Variants in CAMTA2 observed in about 807,000 individuals in gnomAD.
CAMTA2 encodes the protein calmodulin-binding transcription activator 2.
CAMTA2 carries 56 observed loss-of-function variants against 135.7 expected under a neutral mutation model. The ratio of observed to expected loss-of-function variants is 0.41; its 90% CI spans 0.33 to 0.52. CAMTA2 has a LOEUF of 0.52. Ranked by LOEUF, CAMTA2 falls within the 20% of genes least tolerant of loss-of-function variation. The probability of loss-of-function intolerance (pLI) is 0.16; values close to 1 mark genes in which losing one functional copy is unlikely to be tolerated. For synonymous variants in CAMTA2, 591 were observed against 604.6 expected (o/e 0.98, Z 0.33); for missense variants, 1,358 against 1,553.4 (o/e 0.87, Z 2.11).
chr17:4,978,418 C>T (rs1390335151), intron 10 of CAMTA2, 86 bp downstream of exon 10: 2 of 1,435,622 alleles, frequency 1.4e-6, no homozygotes, highest in East Asian at 2.3e-5. Context: ...CATTTGTTCC[C>T]AGTGCTTTCT....
chr17:4,983,835 C>T (rs1314710907), intron 3 of CAMTA2: 1 of 151,730 alleles, frequency 6.6e-6, no homozygotes, highest in South Asian at 2.1e-4. Flanking sequence ...CCGCCTACCT[C>T]AGCCTCTCAA....
At chr17:4,982,401 G>A (rs555111113) in intron 5 of CAMTA2, among the ~76,000 whole-genome samples, 1 of 152,262 alleles carries the variant, frequency 6.6e-6, no homozygotes, top group African/African-American at 2.4e-5. Flanking sequence ...CTAGAAACCA[G>A]AGGGCAGAGC....
At chr17:4,981,982 C>A in intron 6 of CAMTA2, 107 bp downstream of exon 6, 1 of 1,267,356 alleles carries the variant, frequency 7.9e-7, no homozygotes, top group Non-Finnish European at 1.1e-6. Flanking sequence ...TCTTCCCAGG[C>A]TCCTTTCCTC....
rs372158610 is a variant in CAMTA2 at position 4,969,734 on chromosome 17, C to T, written c.3190-33G>A. 2 of 1,612,232 alleles carry T rather than the reference C, an allele frequency of 1.2e-6. No homozygotes were observed. Among genetic ancestry groups the T allele is most frequent in the African/African-American group, 2.7e-5 (2 of 74,872 alleles). ...GAGAGAAGTCTCACCACCTCATGAC[C>T]CACATAATGGCATATCTGACTTGTC... On this transcript the variant is annotated intron_variant, in intron 18 of 22. Coordinates refer to ENST00000348066, the MANE Select transcript of CAMTA2 (RefSeq NM_015099.4). The surrounding 1 kb of genome is among the most constrained non-coding windows in gnomAD (Gnocchi z 5.6).
Position 4,986,233 on chromosome 17 carries a change from C to A in CAMTA2, c.-11G>T. ...GTCCTTGGTATTCATGGTGAGGGCT[C>A]CAGGGGGCAAGGTCACCCCCGGCCT... On this transcript the variant is annotated 5_prime_UTR_variant, in exon 2 of 23. Transcript: ENST00000348066. 1 of 1,608,924 alleles carries A rather than the reference C, an allele frequency of 6.2e-7. No homozygotes were observed. Among genetic ancestry groups the A allele is most frequent in the Non-Finnish European group, 8.5e-7 (1 of 1,175,626 alleles).
In CAMTA2 at chr17:4,969,160, C is replaced by A; in HGVS notation, c.3460G>T (p.Ala1154Ser). Residue 1154 changes from alanine to serine, a missense_variant, in exon 21 of 23, where the codon GCC (alanine) becomes TCC (serine). Ala to Ser is a moderately conservative substitution (Grantham distance 99, BLOSUM62 1). Coordinates refer to ENST00000348066, the MANE Select transcript of CAMTA2 (RefSeq NM_015099.4). This position sits in a 1 kb window ranked among gnomAD's most constrained non-coding sequence, Gnocchi z 5.6. ...GGGGCTGGGCCCTACTTGTTGCGGG[C>A]AGGCAGGGTGGCCGAAGTCCGGTGG... ...PPHRTSATLPARNKGSFLTKK... is the reference protein window; with the variant it reads ...PPHRTSATLPSRNKGSFLTKK... The A allele has an allele frequency of 6.2e-7, 1 of 1,606,572 alleles. No homozygotes were observed. The highest frequency in any genetic ancestry group is 1.1e-5 in the South Asian group (1 of 90,580).
chr17:4,968,559 G>A lies in CAMTA2; in HGVS notation c.*197C>T, dbSNP rs1256334461. ...GGGTTTTCTGGAGCCAGGACCAAAAGAGACGGGGCACGACCAGGAGGGACG... is the reference window on the plus strand; with the variant it reads ...GGGTTTTCTGGAGCCAGGACCAAAAAAGACGGGGCACGACCAGGAGGGACG... On this transcript the variant is annotated 3_prime_UTR_variant, in exon 23 of 23. Transcript: ENST00000348066. 8.0e-6 allele frequency: 5 copies of A among 623,274 alleles called. No homozygotes were observed. Among genetic ancestry groups the A allele is most frequent in the South Asian group, 3.8e-5 (2 of 52,258 alleles). The allele number at this position is 623,274 out of a possible 1,614,324, so 38.6% of individuals were successfully genotyped here.
chr17:4,973,784 C>G lies in CAMTA2; in HGVS notation c.2017-15G>C, dbSNP rs1367986299. 2 of 1,575,544 alleles carry G rather than the reference C, an allele frequency of 1.3e-6. No homozygotes were observed. Among genetic ancestry groups the G allele is most frequent in the Middle Eastern group, 1.7e-4 (1 of 5,884 alleles). Reference sequence around the variant, plus strand: ...TGGCCTTCATCCTGCGATATACACACTCTTAGGCAGAGACCCAGGTATCTA... The same window carrying G: ...TGGCCTTCATCCTGCGATATACACAGTCTTAGGCAGAGACCCAGGTATCTA... On this transcript the variant is annotated splice_polypyrimidine_tract_variant and intron_variant, in intron 12 of 22. Coordinates refer to ENST00000348066, the MANE Select transcript of CAMTA2 (RefSeq NM_015099.4).
rs1385500524 is a variant in CAMTA2, at chr17:4,969,896, C to T, written c.3189+6G>A. 1 of 1,613,830 alleles carries T rather than the reference C, an allele frequency of 6.2e-7. No individual in the cohort carries two copies. The highest frequency in any genetic ancestry group is 8.5e-7 in the Non-Finnish European group (1 of 1,179,766). On this transcript the variant is annotated splice_donor_region_variant and intron_variant, in intron 18 of 22. Coordinates refer to ENST00000348066, the MANE Select transcript of CAMTA2 (RefSeq NM_015099.4). This position sits in a 1 kb window ranked among gnomAD's most constrained non-coding sequence, Gnocchi z 5.6. The stretch of plus-strand genomic sequence containing the variant: ...TGTAATTCATCCTGAGACCCCTGCC[C>T]CTGACCTTGTACTTTCGGAAGGCCG...
chr17:4,978,224 G>A (rs1220771510), intron 10 of CAMTA2, among the ~76,000 whole-genome samples: 2 of 152,222 alleles, frequency 1.3e-5, no homozygotes, highest in African/African-American at 4.8e-5. Context: ...TAACCTTACA[G>A]GAGAGGAGGC....
At chr17:4,987,084 G>C in intron 1 of CAMTA2, 3 of 1,391,462 alleles carry the variant, frequency 2.2e-6, no homozygotes. Flanking sequence ...CGTCGGGCTC[G>C]GCTATGTGCA....
intron 13 of CAMTA2, 35 bp downstream of exon 13, chr17:4,973,550 G>A: frequency 6.3e-7 from 1 of 1,581,628 alleles, no homozygotes; most frequent in Non-Finnish European, 8.6e-7. Context: ...CTGTCCCAGA[G>A]GCTGCCCAGC....
In CAMTA2 at chr17:4,986,268, G is replaced by T. The variant is rs1415823620; in HGVS notation, c.-46C>A. ...AGGTCACCCCCGGCCTGAGGGGCCGGGGGGAGGGGGAGTCTGTGCTGGGAA... is the reference window on the plus strand; with the variant it reads ...AGGTCACCCCCGGCCTGAGGGGCCGTGGGGAGGGGGAGTCTGTGCTGGGAA... On this transcript the variant is annotated 5_prime_UTR_variant, in exon 2 of 23. Coordinates refer to ENST00000348066, the MANE Select transcript of CAMTA2 (RefSeq NM_015099.4). 6.8e-7 allele frequency: 1 copy of T among 1,477,550 alleles called. No individual in the cohort carries two copies. The highest frequency in any genetic ancestry group is 1.2e-5 in the South Asian group (1 of 86,112). The allele number at this position is 1,477,550 out of a possible 1,614,324, so 91.5% of individuals were successfully genotyped here. A position where few individuals can be genotyped will look rare whatever the true frequency, so the allele number is the denominator to read the frequency against.
rs1201171777 is a variant in CAMTA2, at chr17:4,987,639, C to A, written c.-111G>T. On this transcript the variant is annotated 5_prime_UTR_variant, in exon 1 of 23. Coordinates refer to ENST00000348066, the MANE Select transcript of CAMTA2 (RefSeq NM_015099.4). Reference sequence around the variant, plus strand: ...CGGCGGCAGCGGCCATTCTACCCCACACCGACCCCCCCCAGCGCCGGCTGA... The same window carrying A: ...CGGCGGCAGCGGCCATTCTACCCCAAACCGACCCCCCCCAGCGCCGGCTGA... 6.6e-6 allele frequency: 10 copies of A among 1,524,232 alleles called. No homozygotes were observed. In the Admixed American group the frequency reaches 1.8e-4, roughly 27 times the overall value. The allele number at this position is 1,524,232 out of a possible 1,614,324, so 94.4% of individuals were successfully genotyped here.
intron 1 of CAMTA2, chr17:4,987,223 T>C (rs1973406404): frequency 2.2e-6 from 3 of 1,340,694 alleles, no homozygotes; most frequent in Non-Finnish European, 1.9e-6. Context: ...GATCGGACGC[T>C]TGGCACTCTG....
At chr17:4,981,958 A>C in intron 6 of CAMTA2, 127 bp from the exon 7 acceptor site, 3 of 1,280,300 alleles carry the variant, frequency 2.3e-6, no homozygotes, top group Non-Finnish European at 3.3e-6. Flanking sequence ...CTCCATCCCC[A>C]AGCCCCTTTC....
chr17:4,972,988 A>G lies in CAMTA2; in HGVS notation c.2284T>C (p.Trp762Arg). 1 of 1,611,568 alleles carries G rather than the reference A, an allele frequency of 6.2e-7. No individual in the cohort carries two copies. The highest frequency in any genetic ancestry group is 8.5e-7 in the Non-Finnish European group (1 of 1,178,822). ...TCCAGGTGTCCCAGGGCACAAGCCC[A>G]CATCTGAGGAAGGGGGCGGGACAGG... Reference protein sequence around the residue: ...VDHFSCTPLMWACALGHLEAA... With the variant: ...VDHFSCTPLMRACALGHLEAA... The change falls in exon 15 of 23, where the codon TGG (tryptophan) becomes CGG (arginine). Residue 762 changes from tryptophan to arginine, a missense_variant. By Grantham distance (101) the Trp-to-Arg change is moderately radical (BLOSUM62 -3). Coordinates refer to ENST00000348066, the MANE Select transcript of CAMTA2 (RefSeq NM_015099.4).
At chr17:4,970,776 T>C (rs954202166) in intron 16 of CAMTA2, among the ~76,000 whole-genome samples, 5 of 152,240 alleles carry the variant, frequency 3.3e-5, no homozygotes, top group African/African-American at 1.2e-4. Flanking sequence ...GATTCAAAGC[T>C]GAACAAATGG....
Position 4,969,182 on chromosome 17 carries a change from G to A in CAMTA2, c.3438C>T (p.His1146=). 1.9e-6 allele frequency: 3 copies of A among 1,610,836 alleles called. No homozygotes were observed. Among genetic ancestry groups the A allele is most frequent in the Non-Finnish European group, 1.7e-6 (2 of 1,179,500 alleles). ...RSYRRRPGPP[H]RTSATLPARN... Reference sequence around the variant, plus strand: ...GGGCAGGCAGGGTGGCCGAAGTCCGGTGGGGAGGGCCGGGCCTGCGGCGGT... The same window carrying A: ...GGGCAGGCAGGGTGGCCGAAGTCCGATGGGGAGGGCCGGGCCTGCGGCGGT... The change falls in exon 21 of 23, where the codon CAC becomes CAT. Residue 1146 remains histidine (H), a synonymous_variant. Transcript: ENST00000348066. This position sits in a 1 kb window ranked among gnomAD's most constrained non-coding sequence, Gnocchi z 5.6.
Sources: gnomAD v4.1 joint callset for allele counts (sites outside exome capture counted in the v4.1 genomes callset) on GRCh38, gnomAD v4.1.1 for gene constraint, Gnocchi (gnomAD v3.1) non-coding constraint, MANE v1.5 for transcripts, NCBI Gene and HGNC (gene_info 2026-07-23, HGNC 2026-07-21) for gene names.